The following CEP83 variants were observed in gnomAD, a reference collection of about 807,000 sequenced individuals.
CEP83 encodes centrosomal protein of 83 kDa.
In CEP83, 70 loss-of-function variants were observed where a neutral mutation model predicts 101.9. The ratio of observed to expected loss-of-function variants is 0.69; its 90% CI spans 0.57 to 0.84. The LOEUF is 0.84. Among genes scored for constraint, CEP83 ranks in the 40% least tolerant of loss-of-function variants. The probability of loss-of-function intolerance (pLI) is 0.00; values close to 1 mark genes in which losing one functional copy is unlikely to be tolerated. For synonymous variants in CEP83, 264 were observed against 267.9 expected (o/e 0.99, Z 0.14); for missense variants, 715 against 787.2 (o/e 0.91, Z 1.10).
At chr12:94,432,983 A>T (rs966374353) in intron 2 of CEP83, among the ~76,000 whole-genome samples, 1 of 152,250 alleles carries the variant, frequency 6.6e-6, no homozygotes, top group Non-Finnish European at 1.5e-5. Flanking sequence ...GCTGCCAGGG[A>T]AAACTTCACA....
At chr12:94,331,354 T>A (rs1012380855) in intron 14 of CEP83, among the ~76,000 whole-genome samples, 1 of 141,596 alleles carries the variant, frequency 7.1e-6, no homozygotes, top group East Asian at 2.0e-4. Flanking sequence ...ATCACCTTTT[T>A]TCCTTTTTTT....
intron 11 of CEP83, among the ~76,000 whole-genome samples, chr12:94,367,123 G>A (rs1334760799): frequency 2.6e-5 from 4 of 151,972 alleles, no homozygotes; most frequent in Non-Finnish European, 5.9e-5. Flanking sequence ...AGTTATAACT[G>A]TTTCAGATAA....
At chr12:94,296,767 A>T in the CEP83 span, among the ~76,000 whole-genome samples, 1 of 152,172 alleles carries the variant, frequency 6.6e-6, no homozygotes. Context: ...CATAACCTTT[A>T]TCACAGTTAT....
At chr12:94,432,255 G>A (rs1325718419) in intron 2 of CEP83, among the ~76,000 whole-genome samples, 1 of 151,608 alleles carries the variant, frequency 6.6e-6, no homozygotes. Context: ...GTAGAGACAG[G>A]GTTTCACCGT....
At chr12:94,394,699 T>G (rs1363463517) in intron 6 of CEP83, among the ~76,000 whole-genome samples, 2 of 152,014 alleles carry the variant, frequency 1.3e-5, no homozygotes, top group African/African-American at 4.8e-5. Context: ...ACCTACAGAA[T>G]GGAAGAAAAT....
At chr12:94,382,208 T>C (rs2061888781) in intron 6 of CEP83, among the ~76,000 whole-genome samples, 1 of 152,014 alleles carries the variant, frequency 6.6e-6, no homozygotes, top group South Asian at 2.1e-4. Context: ...AGTGATACTC[T>C]TTCATTCCTG....
chr12:94,377,409 T>C (rs1402537069), intron 7 of CEP83, among the ~76,000 whole-genome samples: 1 of 152,170 alleles, frequency 6.6e-6, no homozygotes, highest in Admixed American at 6.5e-5. Context: ...CATAAATGCA[T>C]ATATGGCTTT....
intron 7 of CEP83, among the ~76,000 whole-genome samples, chr12:94,377,355 AC>A (rs1256554435): frequency 1.3e-5 from 2 of 152,166 alleles, no homozygotes; most frequent in Non-Finnish European, 2.9e-5. Flanking sequence ...TAAGAGTATC[AC>A]ACCACATATC....
chr12:94,340,981 T>C (rs892263287), intron 11 of CEP83, among the ~76,000 whole-genome samples: 3 of 152,366 alleles, frequency 2.0e-5, no homozygotes, highest in African/African-American at 4.8e-5. Flanking sequence ...TTTCCCACAA[T>C]TGTGTAAACC....
chr12:94,376,655 A>G (rs907046930), intron 7 of CEP83, among the ~76,000 whole-genome samples: 1 of 151,382 alleles, frequency 6.6e-6, no homozygotes, highest in African/African-American at 2.4e-5. Context: ...TTTTTTGAAA[A>G]AACATGTCTA....
chr12:94,291,874 C>A, the CEP83 span, among the ~76,000 whole-genome samples: 1 of 152,124 alleles, frequency 6.6e-6, no homozygotes, highest in South Asian at 2.1e-4. Context: ...GAACGTAGTA[C>A]CCAACAGGAA....
chr12:94,294,459 T>A, the CEP83 span: 3 of 1,055,456 alleles, frequency 2.8e-6, no homozygotes, highest in Non-Finnish European at 4.3e-6. Context: ...TTTTGAACAC[T>A]CATATATCTT....
intron 8 of CEP83, among the ~76,000 whole-genome samples, chr12:94,370,557 T>C (rs2061254836): frequency 6.6e-6 from 1 of 152,182 alleles, no homozygotes; most frequent in African/African-American, 2.4e-5. Context: ...TTCAATTTTT[T>C]TGTAGCAATA....
the CEP83 span, among the ~76,000 whole-genome samples, chr12:94,277,550 T>C: frequency 6.6e-6 from 1 of 152,038 alleles, no homozygotes; most frequent in East Asian, 1.9e-4. Context: ...TACACAGAGG[T>C]TACACAGCTG....
chr12:94,379,804 C>T (rs2061739708), intron 6 of CEP83, among the ~76,000 whole-genome samples: 1 of 152,082 alleles, frequency 6.6e-6, no homozygotes, highest in African/African-American at 2.4e-5. Flanking sequence ...GGCAAGCAAT[C>T]AGGGTCTAGA....
intron 6 of CEP83, among the ~76,000 whole-genome samples, chr12:94,380,958 G>T (rs965278548): frequency 6.6e-6 from 1 of 152,166 alleles, no homozygotes; most frequent in East Asian, 1.9e-4. Flanking sequence ...TAGATTCCAT[G>T]TTTATAACTC....
At chr12:94,376,312 T>C (rs1441146908) in intron 7 of CEP83, among the ~76,000 whole-genome samples, 1 of 152,182 alleles carries the variant, frequency 6.6e-6, no homozygotes, top group Non-Finnish European at 1.5e-5. Flanking sequence ...TCATTTGATG[T>C]CTATTTACTC....
chr12:94,326,049 G>A (rs1346636184), intron 14 of CEP83, among the ~76,000 whole-genome samples: 1 of 152,118 alleles, frequency 6.6e-6, no homozygotes, highest in Non-Finnish European at 1.5e-5. Context: ...CTGGTCACCA[G>A]AAAGACCAAG....
the CEP83 span, chr12:94,279,513 T>C: frequency 6.2e-7 from 1 of 1,613,988 alleles, no homozygotes; most frequent in Non-Finnish European, 8.5e-7. Flanking sequence ...AAAACGAGAG[T>C]GCAGATGTCT....
Sources: gnomAD v4.1 joint callset for allele counts (sites outside exome capture counted in the v4.1 genomes callset) on GRCh38, gnomAD v4.1.1 for gene constraint, MANE v1.5 for transcripts, NCBI Gene and HGNC (gene_info 2026-07-23, HGNC 2026-07-21) for gene names.